BBOF1: variants seen among roughly 807,000 people sequenced by gnomAD.
BBOF1 encodes basal body orientation factor 1, also known as basal body-orientation factor 1.
BBOF1 carries 62 observed loss-of-function variants against 68.0 expected under a neutral mutation model. The ratio of observed to expected loss-of-function variants is 0.91; its 90% CI spans 0.74 to 1.13. The LOEUF (loss-of-function observed/expected upper bound fraction) is 1.13, where lower values mean the gene tolerates loss of function less well. BBOF1 is among the 50% of genes most tolerant of loss of function. The pLI is 0.00. For missense variants in BBOF1, 534 were observed against 600.1 expected (o/e 0.89, Z 1.15); for synonymous variants, 208 against 198.8 (o/e 1.05, Z -0.39).
chr14:74,032,451 T>C (rs1324540249), intron 3 of BBOF1, among the ~76,000 whole-genome samples: 1 of 151,372 alleles, frequency 6.6e-6, no homozygotes, highest in African/African-American at 2.4e-5. Flanking sequence ...TGCAATGTGA[T>C]AGGTGAGAAA....
chr14:74,020,824 C>T (rs1393288941), intron 1 of BBOF1, among the ~76,000 whole-genome samples: 1 of 152,164 alleles, frequency 6.6e-6, no homozygotes, highest in Non-Finnish European at 1.5e-5. Flanking sequence ...CTTCGAGCCA[C>T]TCAGACCTGA....
chr14:74,037,572 G>T (rs2059736263), intron 4 of BBOF1, among the ~76,000 whole-genome samples: 1 of 150,738 alleles, frequency 6.6e-6, no homozygotes. Context: ...TTACAGGCAT[G>T]AGCCACCATG....
chr14:74,038,831 C>T (rs1260816740), intron 4 of BBOF1, among the ~76,000 whole-genome samples: 1 of 151,850 alleles, frequency 6.6e-6, no homozygotes, highest in Non-Finnish European at 1.5e-5. Flanking sequence ...TGGCAGAACA[C>T]CATCTCTACA....
rs1263449194 is a variant in BBOF1 at position 74,050,043 on chromosome 14, G to C, written c.1134G>C (p.Arg378Ser). 3 of 1,613,982 alleles carry C rather than the reference G, an allele frequency of 1.9e-6. No homozygotes were observed. In the East Asian group the frequency reaches 6.7e-5, roughly 36 times the overall value. ...HQVKQQILIS[R>S]KHYKQIAQAA... ...TGAAGCAACAGATCCTAATTAGCAG[G>C]AAGCATTATAAGCAGATAGCACAAG... The change falls in exon 8 of 12, where the codon AGG (arginine) becomes AGC (serine). Residue 378 changes from arginine (R) to serine (S), a missense_variant. By Grantham distance (110) the Arg-to-Ser change is moderately radical (BLOSUM62 -1). Transcript: ENST00000394009.
rs767592524 is a variant in BBOF1, at chr14:74,056,987, G to A, written c.1463+7G>A. The A allele has an allele frequency of 1.2e-6, 2 of 1,611,422 alleles. No individual in the cohort carries two copies. Among genetic ancestry groups the A allele is most frequent in the East Asian group, 2.2e-5 (1 of 44,856 alleles). On this transcript the variant is annotated splice_region_variant and intron_variant, in intron 10 of 11. Coordinates refer to ENST00000394009, the MANE Select transcript of BBOF1 (RefSeq NM_025057.3). ...GGGAAACAAAGGAATTTGGGTAAGA[G>A]CTCTCTTGCTTAAGTAATAAACATG... is the stretch of plus-strand genomic sequence containing the variant.
intron 5 of BBOF1, among the ~76,000 whole-genome samples, chr14:74,042,541 G>A (rs1252688858): frequency 6.6e-6 from 1 of 152,188 alleles, no homozygotes; most frequent in Non-Finnish European, 1.5e-5. Flanking sequence ...GAAGCTCTGT[G>A]TTCAAGACAA....
chr14:74,071,988 A>G (rs1466982411), intron 9 of BBOF1: 1 of 1,611,738 alleles, frequency 6.2e-7, no homozygotes, highest in Middle Eastern at 1.7e-4. Context: ...GAGAGAAGAC[A>G]CACAAATAGA....
intron 3 of BBOF1, among the ~76,000 whole-genome samples, chr14:74,033,256 A>T (rs114732364): frequency 0.023 from 3,524 of 152,252 alleles, 38 homozygotes; most frequent in African/African-American, 0.031. Context: ...TTTTTACAGA[A>T]ATGAAAACTT....
At chr14:74,069,923 C>T (rs1318467958), downstream of BBOF1, among the ~76,000 whole-genome samples, 1 of 142,074 alleles carries the variant, frequency 7.0e-6, no homozygotes, top group Non-Finnish European at 1.5e-5. Context: ...ACAGTCTTGG[C>T]TCACTGCAAC....
intron 9 of BBOF1, among the ~76,000 whole-genome samples, chr14:74,056,495 C>T (rs1029839462): frequency 6.6e-6 from 1 of 151,652 alleles, no homozygotes; most frequent in African/African-American, 2.4e-5. Context: ...CCACTGTGCC[C>T]GGCCCTAATT....
Position 74,057,091 on chromosome 14 carries a change from G to C in BBOF1, c.1464-53G>C, listed in dbSNP as rs546889974. ...ATGACAAGTCTGTTATTCTAAACCA[G>C]GTTTCATGTGTGTAGAGTTGTTGAC... On this transcript the variant is annotated intron_variant, in intron 10 of 11. Coordinates refer to ENST00000394009, the MANE Select transcript of BBOF1 (RefSeq NM_025057.3). The C allele has an allele frequency of 1.6e-5, 26 of 1,599,566 alleles. 1 individual carries two copies. The South Asian group carries it at 2.8e-4, about 17-fold the overall frequency.
intron 2 of BBOF1, 79 bp from the exon 3 acceptor site, chr14:74,029,105 G>C (rs1361936294): frequency 4.6e-6 from 4 of 864,840 alleles, no homozygotes; most frequent in Middle Eastern, 2.6e-4. Flanking sequence ...TTAGTATTGT[G>C]TGAAACTAGT....
At chr14:74,067,452 CT>C, downstream of BBOF1, 1 of 1,614,210 alleles carries the variant, frequency 6.2e-7, no homozygotes, top group Non-Finnish European at 8.5e-7. Flanking sequence ...CCCACAAGGA[CT>C]GCTGTTGAAA....
At position 74,049,943 on chromosome 14, in the gene BBOF1, T is replaced by A; in HGVS notation, c.1034T>A (p.Val345Glu). The change falls in exon 8 of 12, where the codon GTG (valine) becomes GAG (glutamate). Residue 345 changes from valine (V) to glutamate (E), a missense_variant. Coordinates refer to ENST00000394009, the MANE Select transcript of BBOF1 (RefSeq NM_025057.3). ...ATGAAGGACAGGGAAATGAATCGTG[T>A]GAAGAAGCTGGCCAAGAACATACTG... ...LQMKDREMNR[V>E]KKLAKNILDE... 1 of 1,614,174 alleles carries A rather than the reference T, an allele frequency of 6.2e-7. No individual in the cohort carries two copies. Among genetic ancestry groups the A allele is most frequent in the Non-Finnish European group, 8.5e-7 (1 of 1,180,032 alleles).
At chr14:74,075,108 T>C (rs2060597596) in intron 9 of BBOF1, 6 of 1,147,186 alleles carry the variant, frequency 5.2e-6, no homozygotes, top group Non-Finnish European at 7.7e-6. Flanking sequence ...TTTGCTATAG[T>C]ATATAGGGGG....
At chr14:74,071,876 A>G (rs1377293408) in intron 9 of BBOF1, 1 of 1,613,368 alleles carries the variant, frequency 6.2e-7, no homozygotes, top group South Asian at 1.1e-5. Context: ...CAAAAGTCCC[A>G]TAAGGGGCTC....
At chr14:74,034,207 G>T (rs1234860331) in intron 4 of BBOF1, 36 bp downstream of exon 4, 1 of 1,423,094 alleles carries the variant, frequency 7.0e-7, no homozygotes, top group East Asian at 2.7e-5. Context: ...AAGGAAATTA[G>T]AATTAACTAT....
intron 4 of BBOF1, among the ~76,000 whole-genome samples, chr14:74,038,977 ATTG>A (rs2059772562): frequency 6.6e-6 from 1 of 152,200 alleles, no homozygotes; most frequent in Non-Finnish European, 1.5e-5. Context: ...TATTGCATAT[ATTG>A]TTAGATTGCA....
At chr14:74,057,711 A>G in intron 11 of BBOF1, 1 of 1,218,086 alleles carries the variant, frequency 8.2e-7, no homozygotes. Context: ...CATAATTAGT[A>G]CAATGTAGAA....
Sources: gnomAD v4.1 joint callset for allele counts (sites outside exome capture counted in the v4.1 genomes callset) on GRCh38, gnomAD v4.1.1 for gene constraint, MANE v1.5 for transcripts, NCBI Gene and HGNC (gene_info 2026-07-23, HGNC 2026-07-21) for gene names.